TP63: variants seen among roughly 807,000 people sequenced by gnomAD.
The protein encoded by TP63 is tumor protein 63.
A neutral mutation model predicts 82.8 loss-of-function variants in TP63; 17 were observed. The observed-to-expected ratio is 0.21, with a 90% CI of 0.14 to 0.31. The LOEUF is 0.31. TP63 is among the 10% of genes least tolerant of loss of function. The pLI is 1.00. For missense variants in TP63, 648 were observed against 895.3 expected (o/e 0.72, Z 3.52); for synonymous variants, 330 against 321.7 (o/e 1.03, Z -0.28).
At chr3:189,625,208 G>A in the TP63 span, among the ~76,000 whole-genome samples, 1 of 152,178 alleles carries the variant, frequency 6.6e-6, no homozygotes, top group South Asian at 2.1e-4. Context: ...ACATTTAAAT[G>A]TTTTAGGTTC....
chr3:189,665,186 T>G (rs890489594), intron 1 of TP63, among the ~76,000 whole-genome samples: 1 of 152,166 alleles, frequency 6.6e-6, no homozygotes, highest in African/African-American at 2.4e-5. Context: ...CACTCTGTGT[T>G]CAGTGACATA....
At chr3:189,765,433 C>CTTTTTCTTTTTTTTTTTTTTTTTTTTT (rs1722871964) in intron 3 of TP63, among the ~76,000 whole-genome samples, 1 of 30,088 alleles carries the variant, frequency 3.3e-5, no homozygotes, top group Non-Finnish European at 5.9e-5. Flanking sequence ...CTGTCCTCTG[C>CTTTTTCTTTTTTTTTTTTTTTTTTTTT]TTTTTTTTTT....
intron 1 of TP63, among the ~76,000 whole-genome samples, chr3:189,727,142 G>A (rs780844934): frequency 6.6e-6 from 1 of 152,234 alleles, no homozygotes; most frequent in Non-Finnish European, 1.5e-5. Flanking sequence ...ATGGGACTTG[G>A]ATTAGGAAAG....
the TP63 span, among the ~76,000 whole-genome samples, chr3:189,615,303 C>T: frequency 4.8e-4 from 73 of 152,256 alleles, no homozygotes; most frequent in African/African-American, 1.7e-3. Flanking sequence ...GCTCCATCCA[C>T]CTGGCATGTT....
chr3:189,875,609 T>TATATATATATATACAC lies in TP63; in HGVS notation c.1349+2627_1349+2628insCACATATATATATATA, dbSNP rs1553859650. Among the ~76,000 whole-genome samples, 201 of 62,982 alleles carry TATATATATATATACAC rather than the reference T, an allele frequency of 3.2e-3. 6 individuals are homozygous for TATATATATATATACAC. Among genetic ancestry groups the TATATATATATATACAC allele is most frequent in the Middle Eastern group, 0.018 (2 of 110 alleles). The allele number at this position is 62,982 out of a possible 152,430, so 41.3% of individuals were successfully genotyped here. A position where few individuals can be genotyped will look rare whatever the true frequency, so the allele number is the denominator to read the frequency against. ...AAATACATACATATATATATATATA[T>TATATATATATATACAC]ATATATATATATATATATATATATA... is the stretch of plus-strand genomic sequence containing the variant. On this transcript the variant is annotated intron_variant, in intron 10 of 13. Transcript: ENST00000264731.
chr3:189,878,146 A>C (rs1477478144), intron 10 of TP63, among the ~76,000 whole-genome samples: 1 of 152,148 alleles, frequency 6.6e-6, no homozygotes, highest in East Asian at 1.9e-4. Context: ...AGATTCATGT[A>C]TCTGAGGGAG....
intron 4 of TP63, among the ~76,000 whole-genome samples, chr3:189,821,948 C>T (rs888642653): frequency 1.3e-5 from 2 of 152,098 alleles, no homozygotes; most frequent in Non-Finnish European, 2.9e-5. Context: ...GACTATGGCT[C>T]TTTTACTAAA....
rs200578530 is a variant in TP63 at position 189,889,362 on chromosome 3, G to T, written c.1530G>T (p.Met510Ile). The T allele has an allele frequency of 9.3e-6, 15 of 1,614,108 alleles. No individual in the cohort carries two copies. In the Admixed American group the frequency reaches 2.0e-4, roughly 22 times the overall value. The change falls in exon 12 of 14, where the codon ATG becomes ATT. Residue 510 changes from methionine (M) to isoleucine (I), a missense_variant. Physicochemically the swap from Met to Ile is conservative, Grantham distance 10. Coordinates refer to ENST00000264731, the MANE Select transcript of TP63 (RefSeq NM_003722.5). ...CAGTTCCCATGATGGGCACCCACATGCCAATGGCTGGAGACATGAATGGAC... is the reference window on the plus strand; with the variant it reads ...CAGTTCCCATGATGGGCACCCACATTCCAATGGCTGGAGACATGAATGGAC... ...GANIPMMGTH[M>I]PMAGDMNGLS...
intron 1 of TP63, among the ~76,000 whole-genome samples, chr3:189,729,653 C>T (rs1265931382): frequency 6.6e-6 from 1 of 151,846 alleles, no homozygotes; most frequent in East Asian, 1.9e-4. Flanking sequence ...GAGAGTTAAG[C>T]TGACATGGAT....
chr3:189,877,254 A>G (rs1166341984), intron 10 of TP63, among the ~76,000 whole-genome samples: 3 of 152,204 alleles, frequency 2.0e-5, no homozygotes, highest in Admixed American at 6.5e-5. Flanking sequence ...ATGTTTCTAG[A>G]TGCCAGAATC....
chr3:189,842,601 A>G (rs547603432), intron 4 of TP63, among the ~76,000 whole-genome samples: 3 of 152,332 alleles, frequency 2.0e-5, no homozygotes, highest in Non-Finnish European at 4.4e-5. Context: ...AGGGGAGCAC[A>G]TAGATGTCCA....
chr3:189,597,722 C>A, the TP63 span, among the ~76,000 whole-genome samples: 5 of 152,002 alleles, frequency 3.3e-5, no homozygotes, highest in African/African-American at 1.2e-4. Flanking sequence ...TTCAGGAGTT[C>A]AAGACCAGCC....
intron 3 of TP63, among the ~76,000 whole-genome samples, chr3:189,745,801 ATAGAC>A (rs1452215675): frequency 6.6e-6 from 1 of 151,418 alleles, no homozygotes; most frequent in East Asian, 1.9e-4. Context: ...AGCTTCAGCA[ATAGAC>A]TAGATCAAGC....
chr3:189,782,019 G>A (rs1197723822), intron 3 of TP63, among the ~76,000 whole-genome samples: 1 of 152,130 alleles, frequency 6.6e-6, no homozygotes, highest in African/African-American at 2.4e-5. Flanking sequence ...GCATGGGCAG[G>A]GGAAGTGTCT....
chr3:189,800,482 A>G (rs1323824538), intron 3 of TP63, among the ~76,000 whole-genome samples: 3 of 151,510 alleles, frequency 2.0e-5, no homozygotes, highest in South Asian at 2.1e-4. Flanking sequence ...GAGTAAAAAA[A>G]AAAAAAAGAA....
At chr3:189,704,625 G>A (rs934169240) in intron 1 of TP63, among the ~76,000 whole-genome samples, 1 of 152,222 alleles carries the variant, frequency 6.6e-6, no homozygotes, top group Non-Finnish European at 1.5e-5. Context: ...GGAAGGACAA[G>A]GTTCTTTTAT....
At position 189,878,270 on chromosome 3, in the gene TP63, G is replaced by A. The variant is rs9290907; in HGVS notation, c.1349+5275G>A. 9.5e-4 allele frequency among the ~76,000 whole-genome samples: 144 copies of A among 151,746 alleles called. 3 individuals are homozygous for A. The highest frequency in any genetic ancestry group is 3.3e-4 in the Admixed American group (5 of 15,220). ...TAGGTTAGACAGAGAAATCCTCCAC[G>A]TTTCCAGAATATCTGAAATTGCCAG... On this transcript the variant is annotated intron_variant, in intron 10 of 13. Coordinates refer to ENST00000264731, the MANE Select transcript of TP63 (RefSeq NM_003722.5).
At chr3:189,869,271 A>T (rs981205324) in intron 8 of TP63, 53 bp from the exon 9 acceptor site, 1 of 1,352,504 alleles carries the variant, frequency 7.4e-7, no homozygotes, top group Non-Finnish European at 1.1e-6. Context: ...TTTAATATGC[A>T]TTAGTGCTTT....
chr3:189,892,927 C>T (rs2108869715), intron 13 of TP63, among the ~76,000 whole-genome samples: 1 of 152,264 alleles, frequency 6.6e-6, no homozygotes, highest in East Asian at 1.9e-4. Flanking sequence ...TGACACCAGA[C>T]TACAAACTTC....
Sources: gnomAD v4.1 joint callset for allele counts (sites outside exome capture counted in the v4.1 genomes callset) on GRCh38, gnomAD v4.1.1 for gene constraint, MANE v1.5 for transcripts, NCBI Gene and HGNC (gene_info 2026-07-23, HGNC 2026-07-21) for gene names.